NOP10: variants seen among roughly 807,000 people sequenced by gnomAD.
The protein encoded by NOP10 is NOP10 ribonucleoprotein, also known as H/ACA ribonucleoprotein complex subunit 3.
NOP10 carries 6 observed loss-of-function variants against 9.5 expected under a neutral mutation model. That is an observed-to-expected ratio of 0.63 (90% CI 0.35 to 1.25). The LOEUF is 1.25. NOP10 is among the 50% of genes most tolerant of loss of function. The probability of loss-of-function intolerance (pLI) is 0.03; values close to 1 mark genes in which losing one functional copy is unlikely to be tolerated. For missense variants in NOP10, 75 were observed against 81.3 expected (o/e 0.92, Z 0.30); for synonymous variants, 28 against 30.7 (o/e 0.91, Z 0.29).
rs1890510805 is a variant in NOP10 at position 34,343,032 on chromosome 15, G to C, written c.42C>G (p.Val14=). The change falls in exon 1 of 2, where the codon GTC becomes GTG. Residue 14 remains valine, a synonymous_variant. Coordinates refer to ENST00000328848, the MANE Select transcript of NOP10 (RefSeq NM_018648.4). ...QYYLNEQGDR[V]YTLKKFDPMG... Reference sequence around the variant, plus strand: ...TTTCTCTCCTCACCTTCAGCGTATAGACTCGATCTCCCTGCTCGTTGAGGT... The same window carrying C: ...TTTCTCTCCTCACCTTCAGCGTATACACTCGATCTCCCTGCTCGTTGAGGT... 4 of 1,614,012 alleles carry C rather than the reference G, an allele frequency of 2.5e-6. No individual in the cohort carries two copies. The South Asian group carries it at 4.4e-5, about 18-fold the overall frequency.
At chr15:34,342,537 C>T (rs1029071077) in intron 1 of NOP10, among the ~76,000 whole-genome samples, 1 of 147,726 alleles carries the variant, frequency 6.8e-6, no homozygotes, top group African/African-American at 2.5e-5. Flanking sequence ...GCACTACAGC[C>T]TAGGCAACAA....
chr15:34,343,105 T>C lies in NOP10; in HGVS notation c.-32A>G. On this transcript the variant is annotated 5_prime_UTR_variant, in exon 1 of 2. Transcript: ENST00000328848. ...TTATAAGCCAGCGGTCCCAATTCGG[T>C]CCACCGCTCAGTCTGCAGTGGTCCG... 1 of 1,611,424 alleles carries C rather than the reference T, an allele frequency of 6.2e-7. No individual in the cohort carries two copies. Among genetic ancestry groups the C allele is most frequent in the South Asian group, 1.1e-5 (1 of 91,020 alleles).
Position 34,341,915 on chromosome 15 carries a change from C to A in NOP10, c.*53G>T. The A allele has an allele frequency of 3.1e-6, 5 of 1,593,068 alleles. No individual in the cohort carries two copies. The highest frequency in any genetic ancestry group is 4.3e-6 in the Non-Finnish European group (5 of 1,163,652). On this transcript the variant is annotated 3_prime_UTR_variant, in exon 2 of 2. Coordinates refer to ENST00000328848, the MANE Select transcript of NOP10 (RefSeq NM_018648.4). ...GCTCACAGTCCGAAGAGTTTGGTTA[C>A]GGAGTCTCCGAGGGGTAACAGGTGG...
chr15:34,342,035 CGA>C lies in NOP10; in HGVS notation c.126_127del (p.Arg43ThrfsTer26). 1 of 1,613,986 alleles carries C rather than the reference CGA, an allele frequency of 6.2e-7. No homozygotes were observed. Among genetic ancestry groups the C allele is most frequent in the Non-Finnish European group, 8.5e-7 (1 of 1,180,000 alleles). On this transcript the variant is annotated frameshift_variant, in exon 2 of 2. Transcript: ENST00000328848. LOFTEE classifies it high-confidence loss of function. ...GCGTTTCTTGATGGTGATTCGGTGT[CGA>C]GAGTATTTGTCATCTGGGGAGAACC...
intron 1 of NOP10, among the ~76,000 whole-genome samples, chr15:34,342,564 TAAAAAAA>T (rs750902937): frequency 3.1e-4 from 32 of 102,752 alleles, no homozygotes; most frequent in African/African-American, 3.5e-4. Flanking sequence ...TCCCTGTCTT[TAAAAAAA>T]AAAAAAAAAA....
At chr15:34,342,287 T>C (rs912587068) in intron 1 of NOP10, among the ~76,000 whole-genome samples, 179 bp from the exon 2 acceptor site, 3 of 151,394 alleles carry the variant, frequency 2.0e-5, no homozygotes, top group East Asian at 2.0e-4. Flanking sequence ...CCTGTAATCC[T>C]GGCACTTTGG....
rs1595604566 is a variant in NOP10 at position 34,341,931 on chromosome 15, T to C, written c.*37A>G. 2 of 1,610,062 alleles carry C rather than the reference T, an allele frequency of 1.2e-6. No homozygotes were observed. Among genetic ancestry groups the C allele is most frequent in the Non-Finnish European group, 1.7e-6 (2 of 1,178,104 alleles). On this transcript the variant is annotated 3_prime_UTR_variant, in exon 2 of 2. Coordinates refer to ENST00000328848, the MANE Select transcript of NOP10 (RefSeq NM_018648.4). Reference sequence around the variant, plus strand: ...GTTTGGTTACGGAGTCTCCGAGGGGTAACAGGTGGCAGAAAAGACATCAGT... The same window carrying C: ...GTTTGGTTACGGAGTCTCCGAGGGGCAACAGGTGGCAGAAAAGACATCAGT...
chr15:34,341,750 G>T lies in NOP10; in HGVS notation c.*218C>A. 1.7e-6 allele frequency: 1 copy of T among 584,282 alleles called. No homozygotes were observed. Among genetic ancestry groups the T allele is most frequent in the Non-Finnish European group, 3.1e-6 (1 of 324,554 alleles). The allele number at this position is 584,282 out of a possible 1,614,324, so 36.2% of individuals were successfully genotyped here. A position where few individuals can be genotyped will look rare whatever the true frequency, so the allele number is the denominator to read the frequency against. On this transcript the variant is annotated 3_prime_UTR_variant, in exon 2 of 2. Transcript: ENST00000328848. Reference sequence around the variant, plus strand: ...AAATCATTTTATCTTTAATAATCTTGTAGTAATTTAAAATATGAGAAAAAA... The same window carrying T: ...AAATCATTTTATCTTTAATAATCTTTTAGTAATTTAAAATATGAGAAAAAA...
chr15:34,342,260 G>A (rs1890491700), intron 1 of NOP10, 152 bp from the exon 2 acceptor site: 1 of 789,572 alleles, frequency 1.3e-6, no homozygotes, highest in Non-Finnish European at 2.1e-6. Flanking sequence ...TAAAAAGGCC[G>A]AGCGCGGTGG....
At chr15:34,342,825 G>T (rs1446286780) in intron 1 of NOP10, among the ~76,000 whole-genome samples, 195 bp downstream of exon 1, 1 of 152,092 alleles carries the variant, frequency 6.6e-6, no homozygotes, top group Non-Finnish European at 1.5e-5. Flanking sequence ...AGGATTACAG[G>T]CGGGAGCCAC....
rs570903769 is a variant in NOP10 at position 34,341,799 on chromosome 15, G to A, written c.*169C>T. On this transcript the variant is annotated 3_prime_UTR_variant, in exon 2 of 2. Transcript: ENST00000328848. ...AAAAGTCAAATGTGTTCCCTTTATG[G>A]GTGATGCCACCATGATTGCCTCACA... 2.3e-4 allele frequency: 163 copies of A among 713,304 alleles called. No individual in the cohort carries two copies. The African/African-American group carries it at 2.7e-3, about 12-fold the overall frequency. 44.2% of individuals were successfully genotyped at this position (713,304 alleles called of 1,614,324 possible).
At position 34,341,743 on chromosome 15, in the gene NOP10, T is replaced by C; in HGVS notation, c.*225A>G. Reference sequence around the variant, plus strand: ...GTTTTTCAAATCATTTTATCTTTAATAATCTTGTAGTAATTTAAAATATGA... The same window carrying C: ...GTTTTTCAAATCATTTTATCTTTAACAATCTTGTAGTAATTTAAAATATGA... On this transcript the variant is annotated 3_prime_UTR_variant, in exon 2 of 2. Transcript: ENST00000328848. The C allele has an allele frequency of 1.8e-6, 1 of 566,590 alleles. No individual in the cohort carries two copies. The highest frequency in any genetic ancestry group is 2.0e-5 in the South Asian group (1 of 50,512). The allele number at this position is 566,590 out of a possible 1,614,324, so 35.1% of individuals were successfully genotyped here. A position where few individuals can be genotyped will look rare whatever the true frequency, so the allele number is the denominator to read the frequency against.
rs1890482206 is a variant in NOP10, at chr15:34,341,891, C to T, written c.*77G>A. The stretch of plus-strand genomic sequence containing the variant: ...TATGGCTGGCAAAAAGGCATCAGGG[C>T]TCACAGTCCGAAGAGTTTGGTTACG... On this transcript the variant is annotated 3_prime_UTR_variant, in exon 2 of 2. Coordinates refer to ENST00000328848, the MANE Select transcript of NOP10 (RefSeq NM_018648.4). The T allele has an allele frequency of 6.0e-6, 9 of 1,488,264 alleles. No homozygotes were observed. The highest frequency in any genetic ancestry group is 5.8e-5 in the South Asian group (5 of 86,420). The allele number at this position is 1,488,264 out of a possible 1,614,324, so 92.2% of individuals were successfully genotyped here. A position where few individuals can be genotyped will look rare whatever the true frequency, so the allele number is the denominator to read the frequency against.
rs751926660 is a variant in NOP10, at chr15:34,342,149, TG to T, written c.55-42del. On this transcript the variant is annotated intron_variant, in intron 1 of 1. Transcript: ENST00000328848. ...AGAATGTATGTCAGTACAGGAGTGATGAAATGGGGTGGGGCCAGCGCGAAAA... is the reference window on the plus strand; with the variant it reads ...AGAATGTATGTCAGTACAGGAGTGATAAATGGGGTGGGGCCAGCGCGAAAA... The T allele has an allele frequency of 1.1e-5, 17 of 1,601,238 alleles. 1 individual carries two copies. The South Asian group carries it at 1.7e-4, about 16-fold the overall frequency.
chr15:34,341,900 C>T lies in NOP10; in HGVS notation c.*68G>A, dbSNP rs1171535678. ...CAAAAAGGCATCAGGGCTCACAGTC[C>T]GAAGAGTTTGGTTACGGAGTCTCCG... On this transcript the variant is annotated 3_prime_UTR_variant, in exon 2 of 2. Transcript: ENST00000328848. 4 of 1,546,056 alleles carry T rather than the reference C, an allele frequency of 2.6e-6. No individual in the cohort carries two copies. The East Asian group carries it at 9.1e-5, about 35-fold the overall frequency.
At chr15:34,342,316 T>C (rs1338262838) in intron 1 of NOP10, among the ~76,000 whole-genome samples, 1 of 128,344 alleles carries the variant, frequency 7.8e-6, no homozygotes, top group African/African-American at 2.8e-5. Context: ...GGCGGGAGGA[T>C]GGTTTGAGAC....
At position 34,343,103 on chromosome 15, in the gene NOP10, G is replaced by C. The variant is rs201270793; in HGVS notation, c.-30C>G. 3.7e-6 allele frequency: 6 copies of C among 1,611,908 alleles called. No individual in the cohort carries two copies. Among genetic ancestry groups the C allele is most frequent in the Non-Finnish European group, 5.1e-6 (6 of 1,178,142 alleles). ...GCTTATAAGCCAGCGGTCCCAATTC[G>C]GTCCACCGCTCAGTCTGCAGTGGTC... On this transcript the variant is annotated 5_prime_UTR_variant, in exon 1 of 2. Coordinates refer to ENST00000328848, the MANE Select transcript of NOP10 (RefSeq NM_018648.4).
Position 34,341,928 on chromosome 15 carries a change from G to T in NOP10, c.*40C>A. On this transcript the variant is annotated 3_prime_UTR_variant, in exon 2 of 2. Transcript: ENST00000328848. ...AGAGTTTGGTTACGGAGTCTCCGAGGGGTAACAGGTGGCAGAAAAGACATC... is the reference window on the plus strand; with the variant it reads ...AGAGTTTGGTTACGGAGTCTCCGAGTGGTAACAGGTGGCAGAAAAGACATC... The T allele has an allele frequency of 1.9e-6, 3 of 1,609,992 alleles. No homozygotes were observed. The highest frequency in any genetic ancestry group is 2.5e-6 in the Non-Finnish European group (3 of 1,177,836).
In NOP10 at chr15:34,342,587, AG is replaced by A. The variant is rs1434042205; in HGVS notation, c.54+432del. On this transcript the variant is annotated intron_variant, in intron 1 of 1. Transcript: ENST00000328848. The stretch of plus-strand genomic sequence containing the variant: ...TTTAAAAAAAAAAAAAAAAAAAAAA[AG>A]GAAAAGTGAGTGCAATGGCGCTATC... Among the ~76,000 whole-genome samples, 714 of 142,698 alleles carry A rather than the reference AG, an allele frequency of 5.0e-3. 3 individuals are homozygous for A. The highest frequency in any genetic ancestry group is 0.019 in the African/African-American group (685 of 36,632). The allele number at this position is 142,698 out of a possible 152,430, so 93.6% of individuals were successfully genotyped here.
Sources: allele counts gnomAD v4.1 joint callset (sites outside exome capture counted in the v4.1 genomes callset), GRCh38; gene constraint gnomAD v4.1.1; transcripts MANE v1.5; gene names NCBI Gene and HGNC (gene_info 2026-07-23, HGNC 2026-07-21).